ERC1: variants seen among roughly 807,000 people sequenced by gnomAD.
ERC1 encodes the protein ELKS/RAB6-interacting/CAST family member 1, also known as RAB6 interacting protein 2.
In ERC1, 56 loss-of-function variants were observed where a neutral mutation model predicts 132.0. That is an observed-to-expected ratio of 0.42 (90% CI 0.34 to 0.53). The LOEUF is 0.53. ERC1 is among the 20% of genes least tolerant of loss of function. The pLI is 0.03. For missense variants in ERC1, 1,202 were observed against 1,349.9 expected (o/e 0.89, Z 1.72); for synonymous variants, 478 against 476.1 (o/e 1.00, Z -0.05).
intron 1 of ERC1, among the ~76,000 whole-genome samples, chr12:1,019,313 C>T (rs193036111): frequency 2.3e-3 from 355 of 152,160 alleles, no homozygotes; most frequent in African/African-American, 8.1e-3. Flanking sequence ...TTAGTAGAAA[C>T]GGGATTTTGC....
At chr12:1,279,457 C>G (rs1038869512) in intron 14 of ERC1, among the ~76,000 whole-genome samples, 2 of 152,076 alleles carry the variant, frequency 1.3e-5, no homozygotes, top group African/African-American at 2.4e-5. Context: ...ATATTACTGT[C>G]CTGGAAGTCC....
chr12:1,127,638 A>T (rs1948343920), intron 7 of ERC1, among the ~76,000 whole-genome samples: 1 of 152,096 alleles, frequency 6.6e-6, no homozygotes, highest in Non-Finnish European at 1.5e-5. Flanking sequence ...CCCGTTTTTT[A>T]AAAGTAAAAA....
At chr12:1,138,169 T>C (rs1222975213) in intron 7 of ERC1, among the ~76,000 whole-genome samples, 139 of 89,028 alleles carry the variant, frequency 1.6e-3, no homozygotes, top group African/African-American at 6.7e-3. Context: ...ATATATATAA[T>C]TGTATATAAT....
At chr12:1,197,867 G>A (rs990934239) in intron 12 of ERC1, among the ~76,000 whole-genome samples, 2 of 152,004 alleles carry the variant, frequency 1.3e-5, no homozygotes, top group African/African-American at 4.8e-5. Flanking sequence ...GAATGTAGTA[G>A]TATCAGAAAG....
chr12:1,450,398 G>A (rs1016311952), intron 18 of ERC1, among the ~76,000 whole-genome samples: 11 of 152,160 alleles, frequency 7.2e-5, no homozygotes, highest in African/African-American at 2.7e-4. Flanking sequence ...ATGGAATCAG[G>A]CAGTATTTGT....
At chr12:1,147,964 C>T (rs956358170) in intron 8 of ERC1, among the ~76,000 whole-genome samples, 1 of 152,170 alleles carries the variant, frequency 6.6e-6, no homozygotes, top group African/African-American at 2.4e-5. Flanking sequence ...TCTTTGCTCT[C>T]ATTCTATAAG....
At chr12:1,058,005 TTTTTG>T (rs1162749909) in intron 2 of ERC1, among the ~76,000 whole-genome samples, 2 of 152,128 alleles carry the variant, frequency 1.3e-5, no homozygotes, top group South Asian at 2.1e-4. Context: ...GATTAGGTTT[TTTTTG>T]TTTTGTTTTG....
At chr12:1,262,502 A>G (rs867461330) in intron 13 of ERC1, among the ~76,000 whole-genome samples, 2 of 152,228 alleles carry the variant, frequency 1.3e-5, no homozygotes, top group Non-Finnish European at 2.9e-5. Context: ...AAAACCATAC[A>G]TTCTTGAAAT....
chr12:1,363,302 T>C (rs2086313003), intron 15 of ERC1, among the ~76,000 whole-genome samples: 2 of 152,144 alleles, frequency 1.3e-5, no homozygotes, highest in East Asian at 1.9e-4. Context: ...AAACTAAGTC[T>C]TCTAAACTTG....
At chr12:1,137,100 C>CTTTTTTTTTTTTTTTTTTTTTTTTTTTCT (rs944757047) in intron 7 of ERC1, among the ~76,000 whole-genome samples, 1 of 122,914 alleles carries the variant, frequency 8.1e-6, no homozygotes, top group Non-Finnish European at 1.7e-5. Context: ...TTTTTCTTTT[C>CTTTTTTTTTTTTTTTTTTTTTTTTTTTCT]TTTTTTTTTT....
Position 1,236,787 on chromosome 12 carries a change from T to A in ERC1, c.2370T>A (p.Asn790Lys). Residue 790 changes from asparagine to lysine, a missense_variant, in exon 13 of 19, where the codon AAT becomes AAA. Physicochemically the swap from Asn to Lys is moderately conservative, Grantham distance 94 (BLOSUM62 0). Transcript: ENST00000360905. ...AELERQVKDQ[N>K]KKVANLKHKE... Reference sequence around the variant, plus strand: ...TCATTAGGCAAGTGAAAGACCAGAATAAGAAGGTAGCAAATCTGAAGCACA... The same window carrying A: ...TCATTAGGCAAGTGAAAGACCAGAAAAAGAAGGTAGCAAATCTGAAGCACA... The A allele has an allele frequency of 1.2e-6, 2 of 1,613,690 alleles. No individual in the cohort carries two copies. Among genetic ancestry groups the A allele is most frequent in the Non-Finnish European group, 1.7e-6 (2 of 1,179,836 alleles).
rs554405111 is a variant in ERC1, at chr12:1,264,613, G to A, written c.2619+1448G>A. 3.3e-5 allele frequency among the ~76,000 whole-genome samples: 5 copies of A among 152,034 alleles called. No individual in the cohort carries two copies. The East Asian group carries it at 7.8e-4, about 24-fold the overall frequency. ...TGGGAGGCGGAGCTTGCAGTGAGCC[G>A]AGATCGCACCACTGCACTCCAGCCT... On this transcript the variant is annotated intron_variant, in intron 14 of 18. Transcript: ENST00000360905.
At chr12:1,198,382 G>T (rs932004628) in intron 12 of ERC1, among the ~76,000 whole-genome samples, 5 of 152,184 alleles carry the variant, frequency 3.3e-5, no homozygotes, top group Admixed American at 6.5e-5. Context: ...CTAGTAGAGA[G>T]ATACAGAATA....
intron 18 of ERC1, among the ~76,000 whole-genome samples, chr12:1,488,025 G>A (rs1386588367): frequency 6.6e-6 from 1 of 151,476 alleles, no homozygotes; most frequent in Non-Finnish European, 1.5e-5. Flanking sequence ...GTAGTCCCAG[G>A]TACTCGGAAG....
chr12:1,007,540 C>CTGTGTGTGTG lies in ERC1; in HGVS notation c.-157+16238_-157+16247dup, dbSNP rs10570281. ...ATTCTCTCTCTCTCTCTCTCTCTCT[C>CTGTGTGTGTG]TGTGTGTGTGTGTGTGTGTGTGTGT... On this transcript the variant is annotated intron_variant, in intron 1 of 18. Coordinates refer to ENST00000360905, the MANE Select transcript of ERC1 (RefSeq NM_178040.4). Among the ~76,000 whole-genome samples the CTGTGTGTGTG allele has an allele frequency of 8.8e-3, 1,074 of 122,724 alleles. 7 individuals are homozygous for CTGTGTGTGTG. Among genetic ancestry groups the CTGTGTGTGTG allele is most frequent in the Middle Eastern group, 0.012 (3 of 242 alleles). 80.5% of individuals were successfully genotyped at this position (122,724 alleles called of 152,430 possible).
At chr12:1,044,323 C>T (rs183288090) in intron 2 of ERC1, among the ~76,000 whole-genome samples, 22 of 152,318 alleles carry the variant, frequency 1.4e-4, no homozygotes, top group African/African-American at 5.3e-4. Context: ...CTCTAAGAGT[C>T]TGTTCACTTT....
intron 2 of ERC1, among the ~76,000 whole-genome samples, chr12:1,080,332 CAATT>C (rs1024622724): frequency 4.6e-5 from 7 of 152,152 alleles, no homozygotes; most frequent in Non-Finnish European, 7.4e-5. Flanking sequence ...CCTTCTTTAT[CAATT>C]CGACTGCTCT....
chr12:1,064,768 A>G (rs1486968163), intron 2 of ERC1, among the ~76,000 whole-genome samples: 2 of 152,112 alleles, frequency 1.3e-5, no homozygotes, highest in African/African-American at 2.4e-5. Flanking sequence ...TTTGGGCTGA[A>G]TATGTTTTGG....
chr12:1,226,312 C>T (rs1347613076), intron 12 of ERC1, among the ~76,000 whole-genome samples: 1 of 152,176 alleles, frequency 6.6e-6, no homozygotes, highest in African/African-American at 2.4e-5. Context: ...AAATAGCATG[C>T]ATTTAAGTAC....
Sources: gnomAD v4.1 joint callset for allele counts (sites outside exome capture counted in the v4.1 genomes callset) on GRCh38, gnomAD v4.1.1 for gene constraint, MANE v1.5 for transcripts, NCBI Gene and HGNC (gene_info 2026-07-23, HGNC 2026-07-21) for gene names.